Variants in SPTB observed in about 807,000 individuals in gnomAD.
SPTB encodes the protein spectrin beta, erythrocytic.
SPTB carries 45 observed loss-of-function variants against 256.2 expected under a neutral mutation model. The ratio of observed to expected loss-of-function variants is 0.18; its 90% CI spans 0.14 to 0.23. The LOEUF is 0.23. SPTB is among the 10% of genes least tolerant of loss of function. The pLI, the probability that SPTB is intolerant of heterozygous loss-of-function variation, is 1.00. For synonymous variants in SPTB, 1,231 were observed against 1,243.1 expected (o/e 0.99, Z 0.21); for missense variants, 2,715 against 3,040.4 (o/e 0.89, Z 2.52).
rs549059049 is a variant in SPTB, at chr14:64,758,274, G to A, written c.6346-4481C>T. On this transcript the variant is annotated intron_variant, in intron 32 of 35. Coordinates refer to ENST00000644917, the MANE Select transcript of SPTB (RefSeq NM_001355436.2). This position sits in a 1 kb window ranked among gnomAD's most constrained non-coding sequence, Gnocchi z 4.6. ...CAGATGCTCAGGACTGAGAAATGGG[G>A]AATGGGAATCTCAGCCACTGGCAGG... Among the ~76,000 whole-genome samples the A allele has an allele frequency of 6.6e-6, 1 of 152,358 alleles. No homozygotes were observed. Among genetic ancestry groups the A allele is most frequent in the Non-Finnish European group, 1.5e-5 (1 of 68,034 alleles).
chr14:64,797,460 C>T lies in SPTB; in HGVS notation c.1182+269G>A, dbSNP rs1212892564. Among the ~76,000 whole-genome samples, 3 of 93,912 alleles carry T rather than the reference C, an allele frequency of 3.2e-5. No homozygotes were observed. The Admixed American group carries it at 4.8e-4, about 15-fold the overall frequency. The allele number at this position is 93,912 out of a possible 152,430, so 61.6% of individuals were successfully genotyped here. A position where few individuals can be genotyped will look rare whatever the true frequency, so the allele number is the denominator to read the frequency against. On this transcript the variant is annotated intron_variant, in intron 10 of 35. Transcript: ENST00000644917. ...ACCACCTGGGTGACAGAGTGAGACC[C>T]TGTCTCCAAAAAAAAAAAAAAAAAA...
intron 27 of SPTB, 56 bp from the exon 28 acceptor site, chr14:64,769,784 C>G (rs2082250710): frequency 1.9e-6 from 3 of 1,612,238 alleles, no homozygotes; most frequent in East Asian, 2.2e-5. Context: ...TGGCCTGCCT[C>G]TGTGTCCCAA....
chr14:64,749,432 G>A lies in SPTB; in HGVS notation c.6861C>T (p.Ile2287=), dbSNP rs750634381. Residue 2287 remains isoleucine, a synonymous_variant, in exon 36 of 36, where the codon ATC becomes ATT. Coordinates refer to ENST00000644917, the MANE Select transcript of SPTB (RefSeq NM_001355436.2). The surrounding 1 kb of genome is among the most constrained non-coding windows in gnomAD (Gnocchi z 4.7). ...LSWLQGVSTA[I]NESQSIRVKA... is the part of the protein sequence containing the mutation. ...TGACGCGGATGCTCTGGGACTCGTTGATGGCGGTGCTCACGCCCTGCAGCC... is the reference window on the plus strand; with the variant it reads ...TGACGCGGATGCTCTGGGACTCGTTAATGGCGGTGCTCACGCCCTGCAGCC... 6.2e-7 allele frequency: 1 copy of A among 1,604,672 alleles called. No individual in the cohort carries two copies.
Position 64,764,096 on chromosome 14 carries a change from G to C in SPTB, c.6345+2630C>G, listed in dbSNP as rs1239187451. On this transcript the variant is annotated intron_variant, in intron 32 of 35. Transcript: ENST00000644917. The surrounding 1 kb of genome is among the most constrained non-coding windows in gnomAD (Gnocchi z 4.2). ...CACCGACACCAGACCACACACAGAG[G>C]ACCAGCAGGAGAGCCACCATCCCCC... Among the ~76,000 whole-genome samples, 1 of 152,232 alleles carries C rather than the reference G, an allele frequency of 6.6e-6. No homozygotes were observed. Among genetic ancestry groups the C allele is most frequent in the Non-Finnish European group, 1.5e-5 (1 of 68,040 alleles).
In SPTB at chr14:64,769,126, G is replaced by T; in HGVS notation, c.5938-8C>A. On this transcript the variant is annotated splice_polypyrimidine_tract_variant and splice_region_variant and intron_variant, in intron 28 of 35. Coordinates refer to ENST00000644917, the MANE Select transcript of SPTB (RefSeq NM_001355436.2). Reference sequence around the variant, plus strand: ...CTGCAGTTTCTCGCGGATCTATGGGGAGGAAAGGGAGAAAAGCTCAGGCTT... The same window carrying T: ...CTGCAGTTTCTCGCGGATCTATGGGTAGGAAAGGGAGAAAAGCTCAGGCTT... 6.2e-7 allele frequency: 1 copy of T among 1,613,110 alleles called. No homozygotes were observed.
At chr14:64,750,326 T>C in intron 33 of SPTB, 172 bp from the exon 34 acceptor site, 3 of 754,922 alleles carry the variant, frequency 4.0e-6, no homozygotes, top group Admixed American at 3.4e-5. Context: ...AAATTAGCTA[T>C]TATTAACATT....
chr14:64,798,088 T>C (rs2082810575), intron 9 of SPTB, among the ~76,000 whole-genome samples: 1 of 152,202 alleles, frequency 6.6e-6, no homozygotes, highest in Non-Finnish European at 1.5e-5. Flanking sequence ...GAAAACACAA[T>C]GGCCACCACA....
intron 32 of SPTB, chr14:64,763,857 G>A (rs779131778): frequency 1.2e-5 from 6 of 518,936 alleles, no homozygotes; most frequent in Non-Finnish European, 1.9e-5. Context: ...GCTTGAGAAA[G>A]AGGCTGATGT....
chr14:64,768,744 C>T (rs17102053), intron 29 of SPTB, among the ~76,000 whole-genome samples: 26,881 of 151,710 alleles, frequency 0.18, 3,624 homozygotes, highest in African/African-American at 0.38. Context: ...CAGGCCATAG[C>T]TCTGCAGGCA....
chr14:64,857,353 CG>C (rs1370984716), intron 1 of SPTB, among the ~76,000 whole-genome samples: 1 of 151,914 alleles, frequency 6.6e-6, no homozygotes, highest in Non-Finnish European at 1.5e-5. Context: ...GAGGCCGAGG[CG>C]GGAATATCAC....
Position 64,801,294 on chromosome 14 carries a change from C to G in SPTB, c.754G>C (p.Asp252His). Residue 252 changes from aspartate (D) to histidine (H), a missense_variant, in exon 7 of 36, where the codon GAC becomes CAC. By Grantham distance (81) the Asp-to-His change is moderately conservative. Transcript: ENST00000644917. ...ERQLGIIPLLDPEDVFTENPD... is the reference protein window; with the variant it reads ...ERQLGIIPLLHPEDVFTENPD... ...GGTGGGTGTGGCTCACCTTCGGGGT[C>G]GAGGAGCGGGATGATGCCCAGCTGG... 3 of 1,613,664 alleles carry G rather than the reference C, an allele frequency of 1.9e-6. No individual in the cohort carries two copies. The highest frequency in any genetic ancestry group is 2.5e-6 in the Non-Finnish European group (3 of 1,179,716).
At position 64,758,692 on chromosome 14, in the gene SPTB, T is replaced by C. The variant is rs2082051014; in HGVS notation, c.6346-4899A>G. Among the ~76,000 whole-genome samples, 1 of 152,216 alleles carries C rather than the reference T, an allele frequency of 6.6e-6. No individual in the cohort carries two copies. Among genetic ancestry groups the C allele is most frequent in the Non-Finnish European group, 1.5e-5 (1 of 68,036 alleles). On this transcript the variant is annotated intron_variant, in intron 32 of 35. Transcript: ENST00000644917. This position sits in a 1 kb window ranked among gnomAD's most constrained non-coding sequence, Gnocchi z 4.6. ...AGAACCATTTTTTAAATAGTTACTC[T>C]TGGGGTTCCCATCTGCCCAGGGAAA... is the stretch of plus-strand genomic sequence containing the variant.
At chr14:64,812,919 A>C (rs777074164) in intron 2 of SPTB, among the ~76,000 whole-genome samples, 1 of 152,178 alleles carries the variant, frequency 6.6e-6, no homozygotes, top group Non-Finnish European at 1.5e-5. Flanking sequence ...TGCTTTCAAC[A>C]ATAGAAAATA....
At chr14:64,846,878 G>C (rs1160156344) in intron 1 of SPTB, among the ~76,000 whole-genome samples, 2 of 152,172 alleles carry the variant, frequency 1.3e-5, no homozygotes. Flanking sequence ...TAGCTGTTAA[G>C]GTGAGAGAGA....
chr14:64,758,386 T>C lies in SPTB; in HGVS notation c.6346-4593A>G, dbSNP rs1594743830. Among the ~76,000 whole-genome samples, 1 of 152,174 alleles carries C rather than the reference T, an allele frequency of 6.6e-6. No individual in the cohort carries two copies. The highest frequency in any genetic ancestry group is 1.5e-5 in the Non-Finnish European group (1 of 68,022). ...GGAAGGGAGAAGCCATGTGAACAGGTAAGCAGTGCAGGAGGGCCTGAGGCC... is the reference window on the plus strand; with the variant it reads ...GGAAGGGAGAAGCCATGTGAACAGGCAAGCAGTGCAGGAGGGCCTGAGGCC... On this transcript the variant is annotated intron_variant, in intron 32 of 35. Coordinates refer to ENST00000644917, the MANE Select transcript of SPTB (RefSeq NM_001355436.2). The surrounding 1 kb of genome is among the most constrained non-coding windows in gnomAD (Gnocchi z 4.6).
chr14:64,784,376 G>C lies in SPTB; in HGVS notation c.3873C>G (p.Asn1291Lys), dbSNP rs774216236. The C allele has an allele frequency of 5.0e-6, 8 of 1,614,178 alleles. No homozygotes were observed. The Admixed American group carries it at 1.3e-4, about 27-fold the overall frequency. ...CATCCTGAGATGTCAGCAGCTTGTC[G>C]TTGATCCAGAGAGTGAGCTGTGTGC... is the stretch of plus-strand genomic sequence containing the variant. The part of the protein sequence containing the change: ...QNCQELTLWI[N>K]DKLLTSQDVS... The change falls in exon 19 of 36, where the codon AAC becomes AAG. Residue 1291 changes from asparagine to lysine, a missense_variant. Asn to Lys is a moderately conservative substitution (Grantham distance 94, BLOSUM62 0). This residue lies in a region of SPTB where 2,239 missense variants were observed against 2,384.4 expected (regional missense o/e 0.94). Coordinates refer to ENST00000644917, the MANE Select transcript of SPTB (RefSeq NM_001355436.2).
At position 64,790,230 on chromosome 14, in the gene SPTB, C is replaced by CT. The variant is rs2082647330; in HGVS notation, c.2804+1488dup. Among the ~76,000 whole-genome samples, 1 of 152,044 alleles carries CT rather than the reference C, an allele frequency of 6.6e-6. No individual in the cohort carries two copies. The highest frequency in any genetic ancestry group is 6.6e-5 in the Admixed American group (1 of 15,262). ...TTTCATGCCTCGGGTTTTTTTCTCA[C>CT]TTAAGGATGGCAGGTACCTTGATAT... is the stretch of plus-strand genomic sequence containing the variant. On this transcript the variant is annotated intron_variant, in intron 15 of 35. Transcript: ENST00000644917. The surrounding 1 kb of genome is among the most constrained non-coding windows in gnomAD (Gnocchi z 4.8).
rs1422377530 is a variant in SPTB at position 64,747,378 on chromosome 14, A to G, written c.*1928T>C. The G allele has an allele frequency of 6.5e-6, 1 of 152,684 alleles. No homozygotes were observed. Among genetic ancestry groups the G allele is most frequent in the Non-Finnish European group, 1.5e-5 (1 of 68,056 alleles). 9.5% of individuals were successfully genotyped at this position (152,684 alleles called of 1,614,324 possible). A position where few individuals can be genotyped will look rare whatever the true frequency, so the allele number is the denominator to read the frequency against. ...ATTGCTAGGTGAGTGCAGTCACCTC[A>G]CTGCCTTGGTTTCCCCAGATACAGA... On this transcript the variant is annotated 3_prime_UTR_variant, in exon 36 of 36. Coordinates refer to ENST00000644917, the MANE Select transcript of SPTB (RefSeq NM_001355436.2).
intron 1 of SPTB, among the ~76,000 whole-genome samples, chr14:64,869,786 CT>C (rs34132510): frequency 1.4e-4 from 18 of 133,256 alleles, no homozygotes; most frequent in South Asian, 7.3e-4. Context: ...CGATGCCCTG[CT>C]TTTTTTTTTT....
Sources: allele counts gnomAD v4.1 joint callset (sites outside exome capture counted in the v4.1 genomes callset), GRCh38; gene constraint gnomAD v4.1.1; regional missense constraint gnomAD v4.1.1; non-coding constraint Gnocchi (gnomAD v3.1); transcripts MANE v1.5; gene names NCBI Gene and HGNC (gene_info 2026-07-23, HGNC 2026-07-21).